ATP2A1: variants seen among roughly 807,000 people sequenced by gnomAD.
ATP2A1 encodes the protein sarcoplasmic/endoplasmic reticulum calcium ATPase 1.
ATP2A1 carries 83 observed loss-of-function variants against 109.5 expected under a neutral mutation model. The ratio of observed to expected loss-of-function variants is 0.76; its 90% confidence interval spans 0.63 to 0.91. The LOEUF is 0.91. Among genes scored for constraint, ATP2A1 ranks in the 40% least tolerant of loss-of-function variants. The probability of loss-of-function intolerance (pLI) is 0.00; values close to 1 mark genes in which losing one functional copy is unlikely to be tolerated. For synonymous variants in ATP2A1, 505 were observed against 537.6 expected (o/e 0.94, Z 0.84); for missense variants, 1,101 against 1,341.0 (o/e 0.82, Z 2.80).
At chr16:28,891,352 T>G (rs1386636463) in intron 9 of ATP2A1, among the ~76,000 whole-genome samples, 2 of 151,872 alleles carry the variant, frequency 1.3e-5, no homozygotes, top group Non-Finnish European at 2.9e-5. Context: ...CCCAGCACTT[T>G]GGGAGGCCGA....
At chr16:28,891,102 C>T (rs1470170249) in intron 9 of ATP2A1, among the ~76,000 whole-genome samples, 5 of 151,934 alleles carry the variant, frequency 3.3e-5, no homozygotes, top group South Asian at 2.1e-4. Flanking sequence ...TCGAGAATAG[C>T]TTGTCCAACA....
Position 28,878,583 on chromosome 16 carries a change from A to C in ATP2A1, c.-89A>C, listed in dbSNP as rs1237283500. The C allele has an allele frequency of 2.8e-6, 3 of 1,079,364 alleles. No homozygotes were observed. The African/African-American group carries it at 4.7e-5, about 17-fold the overall frequency. 66.9% of individuals were successfully genotyped at this position (1,079,364 alleles called of 1,614,324 possible). ...GTAAAAAGAAGAAACCCAGGCAGAC[A>C]GGCAGTTGGACACACTGAGGAAGAC... On this transcript the variant is annotated 5_prime_UTR_variant, in exon 1 of 23. Transcript: ENST00000395503.
chr16:28,878,701 G>C lies in ATP2A1; in HGVS notation c.30G>C (p.Glu10Asp), dbSNP rs754754620. MEAAHAKTT[E>D]ECLAYFGVSE... The stretch of plus-strand genomic sequence containing the variant: ...AGGCCGCTCATGCTAAAACCACGGA[G>C]GAATGTTTGGCCTATTTTGGGGTGA... The change falls in exon 1 of 23, where the codon GAG (glutamate) becomes GAC (aspartate). Residue 10 changes from glutamate to aspartate, a missense_variant. By Grantham distance (45) the Glu-to-Asp change is conservative. Coordinates refer to ENST00000395503, the MANE Select transcript of ATP2A1 (RefSeq NM_004320.6). 5 of 1,610,100 alleles carry C rather than the reference G, an allele frequency of 3.1e-6. No individual in the cohort carries two copies. The South Asian group carries it at 5.5e-5, about 18-fold the overall frequency.
chr16:28,901,489 C>T (rs1247360266), intron 15 of ATP2A1, among the ~76,000 whole-genome samples: 1 of 152,106 alleles, frequency 6.6e-6, no homozygotes, highest in African/African-American at 2.4e-5. Context: ...AAAAATTGGC[C>T]GTGCGTGGTG....
intron 5 of ATP2A1, among the ~76,000 whole-genome samples, chr16:28,882,791 C>T (rs974721926): frequency 1.3e-5 from 2 of 152,236 alleles, no homozygotes; most frequent in Non-Finnish European, 2.9e-5. Context: ...AACAGCCAGT[C>T]CTGTCCCTGA....
chr16:28,902,303 T>C lies in ATP2A1; in HGVS notation c.2441T>C (p.Leu814Pro), dbSNP rs746484055. 7.8e-5 allele frequency: 126 copies of C among 1,613,942 alleles called. No individual in the cohort carries two copies. Among genetic ancestry groups the C allele is most frequent in the Admixed American group, 1.0e-4 (6 of 59,986 alleles). The change falls in exon 17 of 23, where the codon CTG (leucine) becomes CCG (proline). Residue 814 changes from leucine to proline, a missense_variant. Physicochemically the swap from Leu to Pro is moderately conservative, Grantham distance 98 (BLOSUM62 -3). Coordinates refer to ENST00000395503, the MANE Select transcript of ATP2A1 (RefSeq NM_004320.6). The surrounding 1 kb of genome is among the most constrained non-coding windows in gnomAD (Gnocchi z 4.8). ...GCCCTGGGCTTCAACCCACCAGACC[T>C]GGACATCATGGACCGCCCCCCCCGG... is the stretch of plus-strand genomic sequence containing the variant. ...ATALGFNPPD[L>P]DIMDRPPRSP... is the part of the protein sequence containing the mutation.
chr16:28,884,507 G>A lies in ATP2A1; in HGVS notation c.464-68G>A, dbSNP rs200312491. On this transcript the variant is annotated intron_variant, in intron 5 of 22. Coordinates refer to ENST00000395503, the MANE Select transcript of ATP2A1 (RefSeq NM_004320.6). ...GAGGAGAACGAGTCAGACACAGATT[G>A]GGTTTTTCTTTGGAAGGAAGAAAAT... is the stretch of plus-strand genomic sequence containing the variant. The A allele has an allele frequency of 3.0e-5, 43 of 1,424,988 alleles. 2 individuals carry two copies. The South Asian group carries it at 4.7e-4, about 16-fold the overall frequency. The allele number at this position is 1,424,988 out of a possible 1,614,324, so 88.3% of individuals were successfully genotyped here.
rs1964161505 is a variant in ATP2A1 at position 28,903,717 on chromosome 16, C to G, written c.*13C>G. 3.7e-6 allele frequency: 6 copies of G among 1,613,916 alleles called. No homozygotes were observed. In the Middle Eastern group the frequency reaches 4.9e-4, roughly 133 times the overall value. On this transcript the variant is annotated 3_prime_UTR_variant, in exon 22 of 23. Transcript: ENST00000395503. This position sits in a 1 kb window ranked among gnomAD's most constrained non-coding sequence, Gnocchi z 5.6. ...GGCCATAGGATAACTGTTCCCCCTCCTCCATCTCTGAGCCCGTGTCACAGG... is the reference window on the plus strand; with the variant it reads ...GGCCATAGGATAACTGTTCCCCCTCGTCCATCTCTGAGCCCGTGTCACAGG...
rs758864940 is a variant in ATP2A1, at chr16:28,878,731, G to A, written c.60G>A (p.Glu20=). Residue 20 remains glutamate, a synonymous_variant, in exon 1 of 23, where the codon GAG becomes GAA. Coordinates refer to ENST00000395503, the MANE Select transcript of ATP2A1 (RefSeq NM_004320.6). The part of the protein sequence containing the change: ...EECLAYFGVS[E]TTGLTPDQVK... Reference sequence around the variant, plus strand: ...GTTTGGCCTATTTTGGGGTGAGTGAGACCACGGGCCTCACCCCGGACCAAG... The same window carrying A: ...GTTTGGCCTATTTTGGGGTGAGTGAAACCACGGGCCTCACCCCGGACCAAG... 1.2e-6 allele frequency: 2 copies of A among 1,613,178 alleles called. No individual in the cohort carries two copies. The highest frequency in any genetic ancestry group is 1.7e-6 in the Non-Finnish European group (2 of 1,179,616).
In ATP2A1 at chr16:28,880,923, C is replaced by T; in HGVS notation, c.228C>T (p.Ala76=). ...TTTCCCCTGCTCCCCAGGTGCTGGCCTGGTTTGAGGAAGGTGAAGAGACCA... is the reference window on the plus strand; with the variant it reads ...TTTCCCCTGCTCCCCAGGTGCTGGCTTGGTTTGAGGAAGGTGAAGAGACCA... ...LLAACISFVL[A]WFEEGEETIT... is the part of the protein sequence containing the mutation. Residue 76 remains alanine, a synonymous_variant, in exon 4 of 23, where the codon GCC becomes GCT. Coordinates refer to ENST00000395503, the MANE Select transcript of ATP2A1 (RefSeq NM_004320.6). The surrounding 1 kb of genome is among the most constrained non-coding windows in gnomAD (Gnocchi z 4.2). The T allele has an allele frequency of 1.2e-6, 2 of 1,614,204 alleles. No individual in the cohort carries two copies. The highest frequency in any genetic ancestry group is 2.2e-5 in the East Asian group (1 of 44,884).
At chr16:28,896,709 C>A (rs751677884) in intron 12 of ATP2A1, among the ~76,000 whole-genome samples, 18 of 149,292 alleles carry the variant, frequency 1.2e-4, no homozygotes, top group Admixed American at 4.0e-4. Context: ...CTGCGCCTGG[C>A]CTTCATTTTT....
chr16:28,886,807 T>A (rs1185764848), intron 6 of ATP2A1, among the ~76,000 whole-genome samples: 1 of 147,658 alleles, frequency 6.8e-6, no homozygotes, highest in Non-Finnish European at 1.5e-5. Flanking sequence ...GCCAACATGG[T>A]GAGACCCCGT....
intron 8 of ATP2A1, among the ~76,000 whole-genome samples, chr16:28,888,509 A>G (rs1963682013): frequency 6.6e-6 from 1 of 152,108 alleles, no homozygotes; most frequent in Non-Finnish European, 1.5e-5. Context: ...CCTGGATTCA[A>G]ACAATCCTCT....
rs984970776 is a variant in ATP2A1 at position 28,879,590 on chromosome 16, G to A, written c.219+7G>A. 4 of 1,613,938 alleles carry A rather than the reference G, an allele frequency of 2.5e-6. No individual in the cohort carries two copies. The highest frequency in any genetic ancestry group is 3.4e-6 in the Non-Finnish European group (4 of 1,179,964). The stretch of plus-strand genomic sequence containing the variant: ...GGCCGCATGCATTTCCTTCGTAAGT[G>A]TGGGAGGGTCTCTGGGGGCTGGCTG... On this transcript the variant is annotated splice_region_variant and intron_variant, in intron 3 of 22. Transcript: ENST00000395503.
chr16:28,902,362 T>G lies in ATP2A1; in HGVS notation c.2500T>G (p.Phe834Val). The G allele has an allele frequency of 6.2e-7, 1 of 1,613,978 alleles. No homozygotes were observed. The change falls in exon 17 of 23, where the codon TTC becomes GTC. Residue 834 changes from phenylalanine to valine, a missense_variant. Transcript: ENST00000395503. This position sits in a 1 kb window ranked among gnomAD's most constrained non-coding sequence, Gnocchi z 4.8. ...GGAGCCCCTCATCAGTGGCTGGCTC[T>G]TCTTCCGCTACATGGCAATCGGGGG... The part of the protein sequence containing the change: ...PKEPLISGWL[F>V]FRYMAIGGYV...
At chr16:28,894,718 C>G in intron 11 of ATP2A1, 104 bp from the exon 12 acceptor site, 2 of 1,593,570 alleles carry the variant, frequency 1.3e-6, no homozygotes, top group South Asian at 1.1e-5. Context: ...TGCCAGGGTG[C>G]AAGGGAGGCA....
intron 6 of ATP2A1, among the ~76,000 whole-genome samples, chr16:28,885,545 T>C (rs1311415820): frequency 2.0e-5 from 3 of 151,894 alleles, no homozygotes; most frequent in Non-Finnish European, 1.5e-5. Context: ...GGTTTTACCG[T>C]CTTGGCCAGG....
At position 28,903,546 on chromosome 16, in the gene ATP2A1, C is replaced by T. The variant is rs1297979460; in HGVS notation, c.2980+106C>T. On this transcript the variant is annotated intron_variant, in intron 21 of 22. Coordinates refer to ENST00000395503, the MANE Select transcript of ATP2A1 (RefSeq NM_004320.6). This position sits in a 1 kb window ranked among gnomAD's most constrained non-coding sequence, Gnocchi z 5.6. ...CTTTGCAGGTGGTAAGTTTCTCAGC[C>T]CTGGCAGGACCTGTGTCCGCCCCGT... The T allele has an allele frequency of 4.7e-6, 6 of 1,268,230 alleles. No homozygotes were observed. The highest frequency in any genetic ancestry group is 6.9e-6 in the Non-Finnish European group (6 of 867,596). The allele number at this position is 1,268,230 out of a possible 1,614,324, so 78.6% of individuals were successfully genotyped here.
intron 9 of ATP2A1, among the ~76,000 whole-genome samples, chr16:28,893,712 C>T (rs1181362164): frequency 1.4e-5 from 2 of 148,012 alleles, no homozygotes; most frequent in South Asian, 2.1e-4. Context: ...TGTAATGGCA[C>T]GATCCTGGCT....
Sources: gnomAD v4.1 joint callset for allele counts (sites outside exome capture counted in the v4.1 genomes callset) on GRCh38, gnomAD v4.1.1 for gene constraint, Gnocchi (gnomAD v3.1) non-coding constraint, MANE v1.5 for transcripts, NCBI Gene and HGNC (gene_info 2026-07-23, HGNC 2026-07-21) for gene names.